Variants in MLKL observed in about 807,000 individuals in gnomAD.
The protein encoded by MLKL is mixed lineage kinase domain-like protein.
In MLKL, 55 loss-of-function variants were observed where a neutral mutation model predicts 56.5. The ratio of observed to expected loss-of-function variants is 0.97; its 90% CI spans 0.78 to 1.22. The LOEUF is 1.22. Ranked by LOEUF, MLKL falls within the 50% of genes most tolerant of loss-of-function variation. The probability of loss-of-function intolerance (pLI) is 0.00; values close to 1 mark genes in which losing one functional copy is unlikely to be tolerated. For synonymous variants in MLKL, 251 were observed against 208.3 expected (o/e 1.20, Z -1.76); for missense variants, 694 against 573.9 (o/e 1.21, Z -2.14).
intron 5 of MLKL, among the ~76,000 whole-genome samples, chr16:74,685,193 C>T (rs1020485257): frequency 2.6e-5 from 4 of 152,126 alleles, no homozygotes; most frequent in African/African-American, 7.2e-5. Context: ...CAACAAGATG[C>T]ACCCCTCTTC....
intron 2 of MLKL, among the ~76,000 whole-genome samples, chr16:74,694,218 T>C (rs1283727965): frequency 6.6e-6 from 1 of 152,196 alleles, no homozygotes; most frequent in Non-Finnish European, 1.5e-5. Context: ...TGGTAGATTG[T>C]GTGATTGTAT....
chr16:74,698,732 C>G (rs1410984878), intron 1 of MLKL, among the ~76,000 whole-genome samples: 2 of 152,156 alleles, frequency 1.3e-5, no homozygotes, highest in African/African-American at 4.8e-5. Context: ...CAGCACTGAA[C>G]TAATCAGAAA....
In MLKL at chr16:74,698,782, C is replaced by T. The variant is rs367828727; in HGVS notation, c.-3+1671G>A. Among the ~76,000 whole-genome samples the T allele has an allele frequency of 1.2e-4, 18 of 152,258 alleles. No individual in the cohort carries two copies. In the South Asian group the frequency reaches 3.7e-3, roughly 32 times the overall value. ...ATATCCCACCCATAGAACTGACAAA[C>T]AATTTCAAATAATAAATTATACAGT... On this transcript the variant is annotated intron_variant, in intron 1 of 10. Transcript: ENST00000308807.
At chr16:74,683,186 G>T (rs571316873) in intron 5 of MLKL, among the ~76,000 whole-genome samples, 37 of 151,820 alleles carry the variant, frequency 2.4e-4, no homozygotes, top group Middle Eastern at 3.4e-3. Flanking sequence ...GCAGGTGCGT[G>T]TAATCCCATC....
chr16:74,682,574 T>G lies in MLKL; in HGVS notation c.956+77A>C. ...ACTGTCTGGGGCGTCTGGCCTGTTC[T>G]CTCACCATCTCTGGGAGTATCAGGA... On this transcript the variant is annotated intron_variant, in intron 6 of 10. Coordinates refer to ENST00000308807, the MANE Select transcript of MLKL (RefSeq NM_152649.4). 5.7e-6 allele frequency: 9 copies of G among 1,569,930 alleles called. 1 individual carries two copies. The South Asian group carries it at 1.0e-4, about 18-fold the overall frequency.
At position 74,695,563 on chromosome 16, in the gene MLKL, G is replaced by A. The variant is rs201194709; in HGVS notation, c.195C>T (p.Phe65=). Residue 65 remains phenylalanine (F), a synonymous_variant, in exon 2 of 11, where the codon TTC becomes TTT. Transcript: ENST00000308807. The stretch of plus-strand genomic sequence containing the variant: ...CATTAGCCTCCTCCAGGGCAGCCTT[G>A]AAGCGGTTCATGGCTGTGGTTAACT... The part of the protein sequence containing the change: ...SEKLTTAMNR[F]KAALEEANGE... The A allele has an allele frequency of 6.2e-7, 1 of 1,614,196 alleles. No homozygotes were observed. The highest frequency in any genetic ancestry group is 1.1e-5 in the South Asian group (1 of 91,074).
chr16:74,680,647 T>C (rs1002194596), intron 6 of MLKL, among the ~76,000 whole-genome samples: 6 of 152,106 alleles, frequency 3.9e-5, no homozygotes, highest in African/African-American at 1.4e-4. Flanking sequence ...GCTGGGACTA[T>C]AGGTGCGTGC....
chr16:74,700,002 G>T (rs1961287567), intron 1 of MLKL, among the ~76,000 whole-genome samples: 1 of 151,900 alleles, frequency 6.6e-6, no homozygotes, highest in Non-Finnish European at 1.5e-5. Context: ...TGAGAAAACA[G>T]GTTACTAATT....
rs868413403 is a variant in MLKL at position 74,692,274 on chromosome 16, G to C, written c.535+68C>G. 8.3e-5 allele frequency: 115 copies of C among 1,379,768 alleles called. No homozygotes were observed. In the Middle Eastern group the frequency reaches 2.3e-3, roughly 28 times the overall value. The allele number at this position is 1,379,768 out of a possible 1,614,324, so 85.5% of individuals were successfully genotyped here. On this transcript the variant is annotated intron_variant, in intron 3 of 10. Transcript: ENST00000308807. ...CAAATGCAGGGGTAGCGGGAGGCTG[G>C]GGTCCCAGTAAACTGATGACTTCTA... is the stretch of plus-strand genomic sequence containing the variant.
chr16:74,676,275 T>C, intron 7 of MLKL: 2 of 989,376 alleles, frequency 2.0e-6, no homozygotes, highest in South Asian at 9.3e-5. Flanking sequence ...CGAGTGTGAG[T>C]CATCCCCCCA....
At chr16:74,692,072 A>C (rs973442915) in intron 3 of MLKL, among the ~76,000 whole-genome samples, 38 of 152,232 alleles carry the variant, frequency 2.5e-4, no homozygotes, top group African/African-American at 8.7e-4. Context: ...TCAGCAACTG[A>C]ACTGAAGCTT....
At chr16:74,694,083 G>C (rs1373474870) in intron 2 of MLKL, among the ~76,000 whole-genome samples, 1 of 152,144 alleles carries the variant, frequency 6.6e-6, no homozygotes, top group Non-Finnish European at 1.5e-5. Context: ...ATTTACATGG[G>C]AGGATATTTA....
At chr16:74,685,692 G>A (rs1054247861) in intron 4 of MLKL, 109 bp from the exon 5 acceptor site, 65 of 793,202 alleles carry the variant, frequency 8.2e-5, no homozygotes, top group Non-Finnish European at 1.2e-4. Flanking sequence ...TCAGCATCTG[G>A]GGTGAGAACT....
chr16:74,695,659 G>C lies in MLKL; in HGVS notation c.99C>G (p.His33Gln), dbSNP rs1381344181. 1 of 1,614,154 alleles carries C rather than the reference G, an allele frequency of 6.2e-7. No individual in the cohort carries two copies. Among genetic ancestry groups the C allele is most frequent in the Admixed American group, 1.7e-5 (1 of 60,024 alleles). The change falls in exon 2 of 11, where the codon CAC becomes CAG. Residue 33 changes from histidine to glutamine, a missense_variant. Physicochemically the swap from His to Gln is conservative, Grantham distance 24. Transcript: ENST00000308807. ...GAGGCTTGATCAGGCCGAGGACGCG[G>C]TGGCCCAGGCGCCGGCACTGTTTCT... Reference protein sequence around the residue: ...YCKKQCRRLGHRVLGLIKPLE... With the variant: ...YCKKQCRRLGQRVLGLIKPLE...
At chr16:74,681,905 T>C (rs1234327339) in intron 6 of MLKL, among the ~76,000 whole-genome samples, 1 of 152,130 alleles carries the variant, frequency 6.6e-6, no homozygotes, top group African/African-American at 2.4e-5. Context: ...TGTACAAGCA[T>C]GCCCACAAAT....
intron 7 of MLKL, 101 bp downstream of exon 7, chr16:74,678,798 T>C: frequency 2.4e-6 from 2 of 844,072 alleles, no homozygotes; most frequent in Non-Finnish European, 3.9e-6. Context: ...AATAAATAAA[T>C]AAACTAAGAC....
intron 10 of MLKL, among the ~76,000 whole-genome samples, chr16:74,673,115 C>A (rs1022328542): frequency 1.3e-5 from 2 of 152,164 alleles, no homozygotes; most frequent in African/African-American, 4.8e-5. Context: ...TGTGAGAAGG[C>A]CTTGAAGAAC....
In MLKL at chr16:74,691,414, C is replaced by T. The variant is rs1960668192; in HGVS notation, c.585G>A (p.Glu195=). The T allele has an allele frequency of 6.2e-7, 1 of 1,614,002 alleles. No homozygotes were observed. The change falls in exon 4 of 11, where the codon GAG becomes GAA. Residue 195 remains glutamate, a synonymous_variant. Coordinates refer to ENST00000308807, the MANE Select transcript of MLKL (RefSeq NM_152649.4). ...ATCCTGAAAGCTGCTCCTTCTTGAT[C>T]TCCTTGATTTGCTCTTGCGGGATCT... ...MQEIPQEQIK[E]IKKEQLSGSP...
chr16:74,690,004 A>T (rs780776374), intron 4 of MLKL, among the ~76,000 whole-genome samples: 6 of 152,234 alleles, frequency 3.9e-5, no homozygotes, highest in Non-Finnish European at 7.3e-5. Flanking sequence ...ACAAATAAAA[A>T]GCTTGCAATG....
Sources: gnomAD v4.1 joint callset for allele counts (sites outside exome capture counted in the v4.1 genomes callset) on GRCh38, gnomAD v4.1.1 for gene constraint, MANE v1.5 for transcripts, NCBI Gene and HGNC (gene_info 2026-07-23, HGNC 2026-07-21) for gene names.